Variants in ADAMTS9 observed in about 807,000 individuals in gnomAD.
ADAMTS9 encodes the protein ADAM metallopeptidase with thrombospondin type 1 motif 9.
A neutral mutation model predicts 257.1 loss-of-function variants in ADAMTS9; 107 were observed. The ratio of observed to expected loss-of-function variants is 0.42; its 90% CI spans 0.36 to 0.49. The LOEUF is 0.49. Among genes scored for constraint, ADAMTS9 ranks in the 20% least tolerant of loss-of-function variants. ADAMTS9 has a pLI of 0.03. For missense variants in ADAMTS9, 2,353 were observed against 2,469.1 expected, an observed-to-expected ratio of 0.95 and a Z score of 1.00; for synonymous variants, 982 against 880.9, an observed-to-expected ratio of 1.11 and a Z score of -2.03.
intron 26 of ADAMTS9, among the ~76,000 whole-genome samples, chr3:64,597,342 A>T (rs962913937): frequency 6.6e-6 from 1 of 152,188 alleles, no homozygotes; most frequent in Non-Finnish European, 1.5e-5. Context: ...ACGACAGTTA[A>T]TTTGGAAATT....
chr3:64,628,332 G>A (rs115457032), intron 16 of ADAMTS9, among the ~76,000 whole-genome samples: 17 of 152,308 alleles, frequency 1.1e-4, no homozygotes, highest in Middle Eastern at 3.4e-3. Flanking sequence ...ACTACTTGGA[G>A]GGAGATTGTT....
rs1559786330 is a variant in ADAMTS9, at chr3:64,601,999, G to A, written c.3962C>T (p.Pro1321Leu). 1 of 1,613,940 alleles carries A rather than the reference G, an allele frequency of 6.2e-7. No individual in the cohort carries two copies. Among genetic ancestry groups the A allele is most frequent in the South Asian group, 1.1e-5 (1 of 91,048 alleles). Residue 1321 changes from proline (P) to leucine (L), a missense_variant, in exon 26 of 40, where the codon CCC (proline) becomes CTC (leucine). Around this residue, in one of 3 missense-constraint regions of ADAMTS9, gnomAD observed 1,402 missense variants for 1,441.4 expected, o/e 0.97. Coordinates refer to ENST00000498707, the MANE Select transcript of ADAMTS9 (RefSeq NM_182920.2). ...NEDYRPRSAS[P>L]SRTHVLGGNQ... ...TCCACCGAGCACATGGGTGCGGCTG[G>A]GGCTGGCGCTCCGGGGACGATAGTC...
chr3:64,576,418 A>G (rs2083848547), intron 28 of ADAMTS9, among the ~76,000 whole-genome samples: 1 of 152,202 alleles, frequency 6.6e-6, no homozygotes, highest in South Asian at 2.1e-4. Context: ...CTTATTGGCA[A>G]TGAACTCACT....
chr3:64,663,692 AAG>A (rs1272477656), intron 3 of ADAMTS9, among the ~76,000 whole-genome samples: 3 of 152,258 alleles, frequency 2.0e-5, no homozygotes, highest in Admixed American at 2.0e-4. Context: ...TTTCACCCAC[AAG>A]TAATCTGTGT....
At chr3:64,535,849 C>A (rs528939303) in intron 37 of ADAMTS9, among the ~76,000 whole-genome samples, 1 of 151,990 alleles carries the variant, frequency 6.6e-6, no homozygotes, top group East Asian at 1.9e-4. Context: ...GCCACCCCCT[C>A]CCCCCAAAAT....
intron 2 of ADAMTS9, among the ~76,000 whole-genome samples, chr3:64,684,191 T>C (rs1281153767): frequency 1.3e-5 from 2 of 152,094 alleles, no homozygotes; most frequent in African/African-American, 4.8e-5. Flanking sequence ...GCACTGTAAA[T>C]AGTCTTAAAT....
chr3:64,541,459 G>A (rs375400363), intron 34 of ADAMTS9, 45 bp from the exon 35 acceptor site: 41 of 1,608,330 alleles, frequency 2.5e-5, no homozygotes, highest in Non-Finnish European at 3.1e-5. Flanking sequence ...CAGAAATGAG[G>A]TAATGAGAGC....
chr3:64,634,650 G>C (rs1700448735), intron 12 of ADAMTS9, among the ~76,000 whole-genome samples: 1 of 152,162 alleles, frequency 6.6e-6, no homozygotes, highest in Non-Finnish European at 1.5e-5. Flanking sequence ...CCAGCAGTCA[G>C]CAGCATGCCA....
At position 64,572,907 on chromosome 3, in the gene ADAMTS9, A is replaced by G. The variant is rs1013642089; in HGVS notation, c.4357-4372T>C. On this transcript the variant is annotated intron_variant, in intron 28 of 39. Transcript: ENST00000498707. Reference sequence around the variant, plus strand: ...ATTCTAGCCAACATGGTGAAACCCCATCTCTACTAAAAATACAAAAATTAG... The same window carrying G: ...ATTCTAGCCAACATGGTGAAACCCCGTCTCTACTAAAAATACAAAAATTAG... 7.2e-5 allele frequency among the ~76,000 whole-genome samples: 11 copies of G among 151,978 alleles called. No homozygotes were observed. In the South Asian group the frequency reaches 2.1e-3, roughly 29 times the overall value.
intron 4 of ADAMTS9, among the ~76,000 whole-genome samples, chr3:64,657,960 G>A (rs969748186): frequency 2.0e-5 from 3 of 152,138 alleles, no homozygotes; most frequent in Non-Finnish European, 4.4e-5. Context: ...CACTCCCCAG[G>A]CTACTTAATT....
At chr3:64,562,622 T>C (rs2083447458) in intron 29 of ADAMTS9, among the ~76,000 whole-genome samples, 2 of 152,134 alleles carry the variant, frequency 1.3e-5, no homozygotes. Flanking sequence ...GGTATATTAT[T>C]ACACTTAGCT....
intron 3 of ADAMTS9, among the ~76,000 whole-genome samples, chr3:64,666,119 T>G (rs1032261232): frequency 6.6e-6 from 1 of 152,162 alleles, no homozygotes. Flanking sequence ...GCAAAAAACT[T>G]TAACATCTGC....
intron 23 of ADAMTS9, 108 bp downstream of exon 23, chr3:64,606,852 C>G: frequency 1.4e-6 from 2 of 1,386,688 alleles, no homozygotes; most frequent in Non-Finnish European, 2.0e-6. Context: ...ACTGGTTGCT[C>G]TACTGACATA....
intron 30 of ADAMTS9, among the ~76,000 whole-genome samples, chr3:64,560,208 T>C (rs1452219501): frequency 3.3e-5 from 5 of 152,192 alleles, no homozygotes; most frequent in African/African-American, 4.8e-5. Flanking sequence ...ACCAAGTCTG[T>C]AGAATTTTAT....
intron 38 of ADAMTS9, among the ~76,000 whole-genome samples, chr3:64,523,873 T>G (rs1009128962): frequency 6.6e-6 from 1 of 152,192 alleles, no homozygotes; most frequent in Non-Finnish European, 1.5e-5. Flanking sequence ...TAAAGTTTTT[T>G]GAACTACAAC....
intron 28 of ADAMTS9, chr3:64,589,738 G>C (rs2084224511): frequency 2.0e-5 from 3 of 152,134 alleles, no homozygotes; most frequent in Admixed American, 2.0e-4. Flanking sequence ...GGAGGATGAG[G>C]TATCAATAGG....
intron 11 of ADAMTS9, among the ~76,000 whole-genome samples, chr3:64,642,601 G>A (rs145033578): frequency 6.6e-6 from 1 of 152,178 alleles, no homozygotes; most frequent in Non-Finnish European, 1.5e-5. Context: ...GCAGGAAGAA[G>A]GCCATGACGT....
chr3:64,650,688 T>C (rs1700911158), intron 9 of ADAMTS9: 2 of 239,388 alleles, frequency 8.4e-6, no homozygotes, highest in Admixed American at 1.2e-4. Flanking sequence ...TAAATACCTG[T>C]GGCCTTCATT....
chr3:64,668,251 C>T (rs1419791354), intron 3 of ADAMTS9, among the ~76,000 whole-genome samples: 5 of 152,222 alleles, frequency 3.3e-5, no homozygotes, highest in Admixed American at 6.5e-5. Context: ...GTTTTTTTAA[C>T]GTCAAAAGGA....
Sources: gnomAD v4.1 joint callset for allele counts (sites outside exome capture counted in the v4.1 genomes callset) on GRCh38, gnomAD v4.1.1 for gene constraint, gnomAD v4.1.1 regional missense constraint, MANE v1.5 for transcripts, NCBI Gene and HGNC (gene_info 2026-07-23, HGNC 2026-07-21) for gene names.